The following SDK1 variants were observed in gnomAD, a reference collection of about 807,000 sequenced individuals.
The protein encoded by SDK1 is protein sidekick-1.
Under a neutral mutation model 245.5 loss-of-function variants are expected in SDK1, and 157 were observed. The ratio of observed to expected loss-of-function variants is 0.64; its 90% confidence interval spans 0.56 to 0.73. The LOEUF is 0.73. Among genes scored for constraint, SDK1 ranks in the 30% least tolerant of loss-of-function variants. The pLI, the probability that SDK1 is intolerant of heterozygous loss-of-function variation, is 0.00. For missense variants in SDK1, 3,583 were observed against 3,002.3 expected (o/e 1.19, Z -4.52); for synonymous variants, 1,647 against 1,278.5 (o/e 1.29, Z -6.15).
At chr7:3,555,205 A>C (rs1779549396) in intron 1 of SDK1, among the ~76,000 whole-genome samples, 1 of 152,200 alleles carries the variant, frequency 6.6e-6, no homozygotes, top group African/African-American at 2.4e-5. Context: ...ATAGTAACCA[A>C]AACAACATGG....
intron 17 of SDK1, among the ~76,000 whole-genome samples, chr7:4,046,030 G>T (rs1320110087): frequency 6.6e-6 from 1 of 151,908 alleles, no homozygotes; most frequent in East Asian, 1.9e-4. Context: ...CTGGGGTCAA[G>T]GGATCCTCCT....
chr7:4,263,493 G>T (rs1788194587), intron 44 of SDK1, among the ~76,000 whole-genome samples: 1 of 143,850 alleles, frequency 7.0e-6, no homozygotes, highest in Non-Finnish European at 1.5e-5. Context: ...GATCTCTCCT[G>T]AGTGGGGAGG....
intron 1 of SDK1, among the ~76,000 whole-genome samples, chr7:3,602,424 G>A (rs1321843115): frequency 6.7e-6 from 1 of 148,624 alleles, no homozygotes; most frequent in African/African-American, 2.4e-5. Flanking sequence ...TTATCTGATG[G>A]CCAGTGATGA....
At position 3,965,064 on chromosome 7, in the gene SDK1, G is replaced by A. The variant is rs564765816; in HGVS notation, c.1429+2213G>A. Among the ~76,000 whole-genome samples, 4 of 152,284 alleles carry A rather than the reference G, an allele frequency of 2.6e-5. No individual in the cohort carries two copies. In the South Asian group the frequency reaches 8.3e-4, roughly 32 times the overall value. ...GCAGGGATTGACAAGCTTTTTCTGC[G>A]AAGGGCCTAATGGTAGATATTTTTG... On this transcript the variant is annotated intron_variant, in intron 9 of 44. Coordinates refer to ENST00000404826, the MANE Select transcript of SDK1 (RefSeq NM_152744.4).
At chr7:3,382,396 G>T (rs903133889) in intron 1 of SDK1, among the ~76,000 whole-genome samples, 7 of 152,188 alleles carry the variant, frequency 4.6e-5, no homozygotes, top group Non-Finnish European at 8.8e-5. Context: ...GGTGGTGCCA[G>T]CTGCTGTTCT....
chr7:3,806,555 C>T (rs933797466), intron 4 of SDK1, among the ~76,000 whole-genome samples: 1 of 152,252 alleles, frequency 6.6e-6, no homozygotes, highest in African/African-American at 2.4e-5. Context: ...TTTCTGTGGC[C>T]TTTGGTCCTT....
At chr7:3,385,627 T>A (rs568598487) in intron 1 of SDK1, among the ~76,000 whole-genome samples, 10 of 152,166 alleles carry the variant, frequency 6.6e-5, no homozygotes, top group African/African-American at 2.4e-4. Flanking sequence ...ATTTCAGCTC[T>A]CAGTCAACCT....
At chr7:3,351,071 T>G (rs1285489242) in intron 1 of SDK1, among the ~76,000 whole-genome samples, 2 of 152,148 alleles carry the variant, frequency 1.3e-5, no homozygotes, top group Admixed American at 1.3e-4. Context: ...ACTAGAAGAA[T>G]AAAAAATTTG....
chr7:3,403,836 T>TA (rs1456503940), intron 1 of SDK1, among the ~76,000 whole-genome samples: 5,780 of 63,678 alleles, frequency 0.091, 632 homozygotes, highest in African/African-American at 0.37. Context: ...TATATATATA[T>TA]ATATATATAT....
intron 1 of SDK1, among the ~76,000 whole-genome samples, chr7:3,578,057 T>C (rs535550207): frequency 6.6e-6 from 1 of 152,158 alleles, no homozygotes. Flanking sequence ...TTTTTTGTAT[T>C]CATCTTGTAT....
chr7:3,557,079 A>G (rs1459762883), intron 1 of SDK1, among the ~76,000 whole-genome samples: 1 of 152,062 alleles, frequency 6.6e-6, no homozygotes, highest in Non-Finnish European at 1.5e-5. Context: ...TAAATCCAGA[A>G]CAAGCAGAAG....
intron 4 of SDK1, among the ~76,000 whole-genome samples, chr7:3,759,832 A>G (rs971192872): frequency 6.6e-6 from 1 of 152,074 alleles, no homozygotes; most frequent in Admixed American, 6.5e-5. Flanking sequence ...ACCTCAGGTG[A>G]TCCACCCACC....
chr7:3,431,381 T>TTTTTA (rs1244835106), intron 1 of SDK1, among the ~76,000 whole-genome samples: 11 of 148,284 alleles, frequency 7.4e-5, no homozygotes, highest in African/African-American at 2.3e-4. Flanking sequence ...TTTTTTTTTT[T>TTTTTA]AAAGCAAATT....
chr7:4,204,311 T>C (rs911097827), intron 35 of SDK1, among the ~76,000 whole-genome samples: 3 of 152,204 alleles, frequency 2.0e-5, no homozygotes, highest in Non-Finnish European at 2.9e-5. Context: ...TTTTGTGTGA[T>C]TCTGCTGTTT....
intron 5 of SDK1, among the ~76,000 whole-genome samples, chr7:3,942,124 T>C (rs1037031145): frequency 6.6e-6 from 1 of 152,110 alleles, no homozygotes; most frequent in Non-Finnish European, 1.5e-5. Flanking sequence ...GCTAGGATGG[T>C]CTCGATCTCC....
intron 1 of SDK1, among the ~76,000 whole-genome samples, chr7:3,394,417 A>G (rs937210935): frequency 6.6e-6 from 1 of 152,108 alleles, no homozygotes; most frequent in Non-Finnish European, 1.5e-5. Context: ...TAGTACTATA[A>G]TGCTTTGATC....
intron 1 of SDK1, among the ~76,000 whole-genome samples, chr7:3,388,985 A>G (rs1781678195): frequency 6.6e-6 from 1 of 152,356 alleles, no homozygotes. Flanking sequence ...AAATAGCATT[A>G]TCCTGTGATA....
At chr7:4,184,673 G>A (rs965397399) in intron 35 of SDK1, among the ~76,000 whole-genome samples, 10 of 152,228 alleles carry the variant, frequency 6.6e-5, no homozygotes, top group African/African-American at 2.4e-4. Context: ...ATTTTTAGCT[G>A]AGATTGATGC....
intron 1 of SDK1, among the ~76,000 whole-genome samples, chr7:3,331,455 T>A (rs1780067192): frequency 6.6e-6 from 1 of 152,226 alleles, no homozygotes; most frequent in African/African-American, 2.4e-5. Flanking sequence ...TTTGGGGAAA[T>A]ACATATCAGA....
Sources: allele counts gnomAD v4.1 joint callset (sites outside exome capture counted in the v4.1 genomes callset), GRCh38; gene constraint gnomAD v4.1.1; transcripts MANE v1.5; gene names NCBI Gene and HGNC (gene_info 2026-07-23, HGNC 2026-07-21).